The following SH3KBP1 variants were observed in gnomAD, a reference collection of about 807,000 sequenced individuals.
SH3KBP1 encodes SH3 domain containing kinase binding protein 1, also known as SH3 domain-containing kinase-binding protein 1.
In SH3KBP1, 8 loss-of-function variants were observed where a neutral mutation model predicts 50.1. The ratio of observed to expected loss-of-function variants is 0.16; its 90% CI spans 0.09 to 0.29. The LOEUF is 0.29. Among genes scored for constraint, SH3KBP1 ranks in the 10% least tolerant of loss-of-function variants. The pLI is 1.00. For missense variants in SH3KBP1, 377 were observed against 535.2 expected (o/e 0.70, Z 2.92); for synonymous variants, 227 against 218.6 (o/e 1.04, Z -0.34).
chrX:19,549,876 C>T (rs1015795817), intron 14 of SH3KBP1, 98 bp downstream of exon 14: 39 of 593,814 alleles, frequency 6.6e-5, no homozygotes, highest in East Asian at 5.9e-4. Flanking sequence ...GTCCTCAAAT[C>T]GGCTGCTTGC....
intron 2 of SH3KBP1, among the ~76,000 whole-genome samples, chrX:19,785,733 A>C (rs1245043707): frequency 8.9e-6 from 1 of 112,158 alleles, no homozygotes; most frequent in Non-Finnish European, 1.9e-5. Flanking sequence ...ATACAAGAGG[A>C]TATGATTCAG....
intron 12 of SH3KBP1, among the ~76,000 whole-genome samples, chrX:19,578,219 A>G (rs1225302335): frequency 8.9e-6 from 1 of 111,897 alleles, no homozygotes; most frequent in East Asian, 2.8e-4. Flanking sequence ...TGAATTGTAC[A>G]GCAGTGAAGT....
At chrX:19,588,410 C>A (rs1377607436) in intron 12 of SH3KBP1, 2 of 1,125,361 alleles carry the variant, frequency 1.8e-6, no homozygotes, top group East Asian at 3.4e-5. Context: ...GTACCCAGTC[C>A]TCATGAAACC....
chrX:19,656,582 T>G (rs907026546), intron 6 of SH3KBP1, among the ~76,000 whole-genome samples: 4 of 111,620 alleles, frequency 3.6e-5, no homozygotes, highest in African/African-American at 1.3e-4. Flanking sequence ...GTCAATCAAG[T>G]GCAAACAACA....
At chrX:19,746,466 CA>C in intron 2 of SH3KBP1, 25 bp from the exon 3 acceptor site, 1 of 1,183,606 alleles carries the variant, frequency 8.4e-7, no homozygotes, top group Non-Finnish European at 1.1e-6. Context: ...AAAAGGAAAA[CA>C]AGATTATAGT....
At chrX:19,594,641 G>A (rs771875918) in intron 10 of SH3KBP1, among the ~76,000 whole-genome samples, 28 of 111,243 alleles carry the variant, frequency 2.5e-4, no homozygotes, top group African/African-American at 9.1e-4. Flanking sequence ...CTCAAAAGCT[G>A]TTTACTTAAA....
At chrX:19,783,178 T>C (rs1214372021) in intron 2 of SH3KBP1, among the ~76,000 whole-genome samples, 1 of 112,169 alleles carries the variant, frequency 8.9e-6, no homozygotes, top group Non-Finnish European at 1.9e-5. Context: ...CTCACAACCC[T>C]TTTTCTCGTT....
chrX:19,663,720 C>T (rs903908304), intron 6 of SH3KBP1, among the ~76,000 whole-genome samples: 1 of 111,893 alleles, frequency 8.9e-6, no homozygotes, highest in Non-Finnish European at 1.9e-5. Context: ...CATAGGACAA[C>T]GAAGAGTTTA....
chrX:19,584,319 A>G (rs952355117), intron 12 of SH3KBP1, among the ~76,000 whole-genome samples: 41 of 99,421 alleles, frequency 4.1e-4, no homozygotes, highest in Non-Finnish European at 7.5e-4. Context: ...ATGTATTTAT[A>G]AATATAAATA....
chrX:19,718,751 A>G lies in SH3KBP1; in HGVS notation c.287-11767T>C, dbSNP rs1349249624. Among the ~76,000 whole-genome samples the G allele has an allele frequency of 4.3e-4, 48 of 111,654 alleles. No homozygotes were observed. The Admixed American group carries it at 4.6e-3, about 11-fold the overall frequency. ...ACAAGGGGCCTCGGACCTCCCAATGACAACTGGTTGTGGCTGGTCTACGAA... is the reference window on the plus strand; with the variant it reads ...ACAAGGGGCCTCGGACCTCCCAATGGCAACTGGTTGTGGCTGGTCTACGAA... On this transcript the variant is annotated intron_variant, in intron 3 of 17. Coordinates refer to ENST00000397821, the MANE Select transcript of SH3KBP1 (RefSeq NM_031892.3).
Position 19,534,441 on chromosome X carries a change from T to G in SH3KBP1, c.*1976A>C. 1 of 115,852 alleles carries G rather than the reference T, an allele frequency of 8.6e-6. No individual in the cohort carries two copies. The highest frequency in any genetic ancestry group is 1.8e-5 in the Non-Finnish European group (1 of 55,233). 9.5% of individuals were successfully genotyped at this position (115,852 alleles called of 1,213,427 possible). On this transcript the variant is annotated 3_prime_UTR_variant, in exon 18 of 18. Coordinates refer to ENST00000397821, the MANE Select transcript of SH3KBP1 (RefSeq NM_031892.3). ...TCAACAATCCTACTCTGTATACACATTATATAAAACTATATAATTAGGGAT... is the reference window on the plus strand; with the variant it reads ...TCAACAATCCTACTCTGTATACACAGTATATAAAACTATATAATTAGGGAT...
chrX:19,691,356 C>CTCTCTCTA (rs1556252171), intron 5 of SH3KBP1, among the ~76,000 whole-genome samples: 1 of 73,560 alleles, frequency 1.4e-5, no homozygotes, highest in East Asian at 4.0e-4. Context: ...CTCTCTCTCT[C>CTCTCTCTA]TATATATATA....
chrX:19,791,830 T>C (rs2066541563), intron 2 of SH3KBP1, among the ~76,000 whole-genome samples: 1 of 111,635 alleles, frequency 9.0e-6, no homozygotes, highest in South Asian at 3.7e-4. Context: ...TTATTAGTCA[T>C]CGTTCAATCA....
At chrX:19,684,055 A>G (rs1292161874) in intron 5 of SH3KBP1, 27 bp from the exon 6 acceptor site, 1 of 1,147,106 alleles carries the variant, frequency 8.7e-7, no homozygotes, top group East Asian at 3.0e-5. Flanking sequence ...TGGGGAGAGA[A>G]AGAGCTCAGA....
intron 14 of SH3KBP1, 60 bp downstream of exon 14, chrX:19,549,914 T>C (rs1213915140): frequency 1.1e-6 from 1 of 876,879 alleles, no homozygotes; most frequent in Non-Finnish European, 1.6e-6. Flanking sequence ...GAGTTTCTAA[T>C]CTGTCCTGCT....
At chrX:19,716,109 A>G (rs1330087818) in intron 3 of SH3KBP1, among the ~76,000 whole-genome samples, 1 of 112,269 alleles carries the variant, frequency 8.9e-6, no homozygotes, top group African/African-American at 3.2e-5. Flanking sequence ...TGGGACGTCC[A>G]GTAGATTCCG....
At chrX:19,556,183 C>G (rs2065481831) in intron 13 of SH3KBP1, among the ~76,000 whole-genome samples, 1 of 111,962 alleles carries the variant, frequency 8.9e-6, no homozygotes, top group Non-Finnish European at 1.9e-5. Flanking sequence ...ATGTGAAAAC[C>G]CTTTCAAATC....
chrX:19,616,578 T>C (rs887459128), intron 8 of SH3KBP1, among the ~76,000 whole-genome samples: 2 of 111,573 alleles, frequency 1.8e-5, no homozygotes, highest in Non-Finnish European at 3.8e-5. Context: ...GATCTAGTCA[T>C]TTGCGATTAT....
chrX:19,682,377 C>G (rs1004064991), intron 6 of SH3KBP1, among the ~76,000 whole-genome samples: 9 of 108,041 alleles, frequency 8.3e-5, no homozygotes, highest in Admixed American at 3.0e-4. Flanking sequence ...CACACACACA[C>G]AGTCCTCCTA....
Sources: allele counts gnomAD v4.1 joint callset (sites outside exome capture counted in the v4.1 genomes callset), GRCh38; gene constraint gnomAD v4.1.1; transcripts MANE v1.5; gene names NCBI Gene and HGNC (gene_info 2026-07-23, HGNC 2026-07-21).